HMGXB4: variants seen among roughly 807,000 people sequenced by gnomAD.
HMGXB4 encodes HMG-box containing 4, also known as HMG domain-containing protein 4.
A neutral mutation model predicts 63.9 loss-of-function variants in HMGXB4; 27 were observed. That is an observed-to-expected ratio of 0.42 (90% CI 0.31 to 0.58). HMGXB4 has a LOEUF of 0.58. HMGXB4 is among the 20% of genes least tolerant of loss of function. HMGXB4 has a pLI of 0.13. For missense variants in HMGXB4, 624 were observed against 700.7 expected (o/e 0.89, Z 1.24); for synonymous variants, 264 against 265.3 (o/e 0.99, Z 0.05).
chr22:35,271,742 G>A (rs1209774048), intron 5 of HMGXB4, among the ~76,000 whole-genome samples: 2 of 152,130 alleles, frequency 1.3e-5, no homozygotes, highest in East Asian at 3.9e-4. Context: ...TACATTTTGA[G>A]ACAAACAACA....
At chr22:35,286,782 G>A (rs552863220) in intron 7 of HMGXB4, 15 of 149,160 alleles carry the variant, frequency 1.0e-4, no homozygotes, top group African/African-American at 2.9e-4. Flanking sequence ...CCCCGGAGGC[G>A]GAGGTTGCAG....
chr22:35,257,776 C>T (rs763563090), intron 1 of HMGXB4, among the ~76,000 whole-genome samples: 2 of 152,080 alleles, frequency 1.3e-5, no homozygotes, highest in Admixed American at 6.5e-5. Context: ...GGAGGGCGGG[C>T]GGGAGCTGTT....
At chr22:35,277,256 G>A (rs1401344641) in intron 5 of HMGXB4, among the ~76,000 whole-genome samples, 1 of 152,190 alleles carries the variant, frequency 6.6e-6, no homozygotes, top group Non-Finnish European at 1.5e-5. Flanking sequence ...CTTCAAATTC[G>A]AGACCAGCCA....
intron 5 of HMGXB4, among the ~76,000 whole-genome samples, chr22:35,271,695 A>G (rs1349677122): frequency 6.6e-6 from 1 of 152,236 alleles, no homozygotes; most frequent in Non-Finnish European, 1.5e-5. Context: ...CTGGGACGCC[A>G]CATCAGACTC....
intron 5 of HMGXB4, among the ~76,000 whole-genome samples, chr22:35,280,385 G>A (rs1924175207): frequency 1.3e-5 from 2 of 152,260 alleles, no homozygotes; most frequent in South Asian, 2.1e-4. Flanking sequence ...AGTAAATAGC[G>A]TGGTCAGGAT....
At chr22:35,287,206 G>C (rs1407935494) in intron 7 of HMGXB4, 141 bp from the exon 8 acceptor site, 1 of 643,010 alleles carries the variant, frequency 1.6e-6, no homozygotes, top group South Asian at 1.9e-5. Context: ...GTGACCCCCA[G>C]CTTAAAAGTT....
chr22:35,242,316 A>C, the HMGXB4 span, among the ~76,000 whole-genome samples: 2 of 152,196 alleles, frequency 1.3e-5, no homozygotes, highest in Non-Finnish European at 2.9e-5. Context: ...TGCTAAATTT[A>C]AATTATAATT....
At chr22:35,253,487 T>C (rs1361372723), upstream of HMGXB4, among the ~76,000 whole-genome samples, 2 of 152,328 alleles carry the variant, frequency 1.3e-5, no homozygotes, top group African/African-American at 4.8e-5. Flanking sequence ...CCCCTTTCTT[T>C]TATAGAAGGA....
At chr22:35,248,830 G>A in the HMGXB4 span, among the ~76,000 whole-genome samples, 2 of 152,064 alleles carry the variant, frequency 1.3e-5, no homozygotes, top group Non-Finnish European at 2.9e-5. Flanking sequence ...ACTTCCCACC[G>A]GGCCCCATCC....
chr22:35,263,989 G>A, intron 4 of HMGXB4, 115 bp downstream of exon 4: 1 of 1,568,750 alleles, frequency 6.4e-7, no homozygotes, highest in Non-Finnish European at 8.6e-7. Flanking sequence ...CAGGACAGTG[G>A]TTCTTGTTCT....
chr22:35,257,084 T>C (rs2146388051), upstream of HMGXB4, among the ~76,000 whole-genome samples: 1 of 152,372 alleles, frequency 6.6e-6, no homozygotes, highest in South Asian at 2.1e-4. Flanking sequence ...TCTGCATAGA[T>C]CTAGGTGTTG....
At position 35,295,473 on chromosome 22, in the gene HMGXB4, G is replaced by GA. The variant is rs1203967251; in HGVS notation, c.*1823dup. 11 of 152,706 alleles carry GA rather than the reference G, an allele frequency of 7.2e-5. No homozygotes were observed. Among genetic ancestry groups the GA allele is most frequent in the African/African-American group, 2.6e-4 (11 of 41,562 alleles). 9.5% of individuals were successfully genotyped at this position (152,706 alleles called of 1,614,324 possible). On this transcript the variant is annotated 3_prime_UTR_variant, in exon 11 of 11. Transcript: ENST00000216106. ...ATCTAGGAGGGGCGGGGAAGACATG[G>GA]ATAGTATAGGAAGACATTAATCCTA...
chr22:35,262,288 G>T, intron 1 of HMGXB4, 35 bp from the exon 2 acceptor site: 2 of 1,176,352 alleles, frequency 1.7e-6, no homozygotes, highest in Non-Finnish European at 2.5e-6. Flanking sequence ...CAGTGATTTC[G>T]CATTACAGGA....
chr22:35,256,675 A>G (rs1922423317), upstream of HMGXB4, among the ~76,000 whole-genome samples: 1 of 151,862 alleles, frequency 6.6e-6, no homozygotes, highest in South Asian at 2.1e-4. Flanking sequence ...AATTTTTTGT[A>G]TTTTTAGTAG....
chr22:35,267,661 C>T (rs1438929521), intron 5 of HMGXB4, among the ~76,000 whole-genome samples: 1 of 150,568 alleles, frequency 6.6e-6, no homozygotes, highest in Non-Finnish European at 1.5e-5. Context: ...TCCCGCCAGT[C>T]AACCCAAACT....
Position 35,293,755 on chromosome 22 carries a change from A to G in HMGXB4, c.*104A>G. 1 of 730,006 alleles carries G rather than the reference A, an allele frequency of 1.4e-6. No individual in the cohort carries two copies. Among genetic ancestry groups the G allele is most frequent in the South Asian group, 1.7e-5 (1 of 59,430 alleles). The allele number at this position is 730,006 out of a possible 1,614,324, so 45.2% of individuals were successfully genotyped here. ...AGTGGCCTCTGGCTGTAGGTTTTAA[A>G]TTTTTATATCTATACATACATATAT... On this transcript the variant is annotated 3_prime_UTR_variant, in exon 11 of 11. Coordinates refer to ENST00000216106, the MANE Select transcript of HMGXB4 (RefSeq NM_001003681.3).
chr22:35,280,551 GC>G (rs1924185993), intron 5 of HMGXB4, among the ~76,000 whole-genome samples: 1 of 152,160 alleles, frequency 6.6e-6, no homozygotes, highest in Admixed American at 6.5e-5. Flanking sequence ...CACTCCTGCA[GC>G]AGCCTCCTGA....
intron 6 of HMGXB4, among the ~76,000 whole-genome samples, chr22:35,285,296 A>G (rs1334985137): frequency 1.3e-5 from 2 of 152,092 alleles, no homozygotes; most frequent in African/African-American, 4.8e-5. Flanking sequence ...TGTAATCCCA[A>G]CACTTTGGGA....
At chr22:35,269,416 C>T (rs1354430161) in intron 5 of HMGXB4, among the ~76,000 whole-genome samples, 2 of 152,140 alleles carry the variant, frequency 1.3e-5, no homozygotes, top group Non-Finnish European at 2.9e-5. Context: ...AGGGGCTACA[C>T]CCAATTTCTT....
Sources: allele counts gnomAD v4.1 joint callset (sites outside exome capture counted in the v4.1 genomes callset), GRCh38; gene constraint gnomAD v4.1.1; transcripts MANE v1.5; gene names NCBI Gene and HGNC (gene_info 2026-07-23, HGNC 2026-07-21).